Variants in SIPA1L1 observed in about 807,000 individuals in gnomAD.
SIPA1L1 encodes the protein signal-induced proliferation-associated 1-like protein 1.
Under a neutral mutation model 162.7 loss-of-function variants are expected in SIPA1L1, and 26 were observed. That is an observed-to-expected ratio of 0.16 (90% confidence interval 0.12 to 0.22). The LOEUF (loss-of-function observed/expected upper bound fraction) is 0.22, where lower values mean the gene tolerates loss of function less well. Ranked by LOEUF, SIPA1L1 falls within the 10% of genes least tolerant of loss-of-function variation. SIPA1L1 has a pLI of 1.00. For missense variants in SIPA1L1, 1,874 were observed against 2,241.0 expected (o/e 0.84, Z 3.31); for synonymous variants, 829 against 837.4 (o/e 0.99, Z 0.17).
At chr14:71,635,813 A>G (rs1159807920) in intron 7 of SIPA1L1, among the ~76,000 whole-genome samples, 3 of 152,246 alleles carry the variant, frequency 2.0e-5, no homozygotes, top group African/African-American at 7.2e-5. Flanking sequence ...AAAAAGCATT[A>G]TCTAATTATA....
At chr14:71,549,125 T>C (rs577689838) in intron 4 of SIPA1L1, among the ~76,000 whole-genome samples, 1 of 152,296 alleles carries the variant, frequency 6.6e-6, no homozygotes, top group Non-Finnish European at 1.5e-5. Flanking sequence ...TTTTAAGTGC[T>C]GGAGAAAGAT....
At chr14:71,644,286 G>T (rs558812137) in intron 7 of SIPA1L1, among the ~76,000 whole-genome samples, 1 of 152,244 alleles carries the variant, frequency 6.6e-6, no homozygotes, top group African/African-American at 2.4e-5. Flanking sequence ...AGGCTGGAGT[G>T]CAGTGGCACA....
chr14:71,424,977 T>C (rs1036847021), intron 2 of SIPA1L1, among the ~76,000 whole-genome samples: 8 of 152,088 alleles, frequency 5.3e-5, no homozygotes, highest in Admixed American at 3.9e-4. Context: ...TTCTTCATAA[T>C]TTAATGTTGG....
intron 4 of SIPA1L1, among the ~76,000 whole-genome samples, chr14:71,569,897 A>G (rs955608032): frequency 2.6e-5 from 4 of 152,104 alleles, no homozygotes; most frequent in African/African-American, 9.7e-5. Context: ...TTTAGACACT[A>G]CTGTTGATTC....
chr14:71,618,243 C>T (rs1393503057), intron 5 of SIPA1L1, among the ~76,000 whole-genome samples: 1 of 152,250 alleles, frequency 6.6e-6, no homozygotes, highest in African/African-American at 2.4e-5. Flanking sequence ...GCTCCTACTC[C>T]ACCATACACA....
intron 2 of SIPA1L1, among the ~76,000 whole-genome samples, chr14:71,334,200 G>A (rs146116570): frequency 6.6e-6 from 1 of 152,260 alleles, no homozygotes; most frequent in Non-Finnish European, 1.5e-5. Flanking sequence ...TTTCTCATCT[G>A]TGAAATGGGG....
In SIPA1L1 at chr14:71,709,973, C is replaced by G. The variant is rs72729977; in HGVS notation, c.4208+309C>G. On this transcript the variant is annotated intron_variant, in intron 17 of 23. Coordinates refer to ENST00000381232, the MANE Select transcript of SIPA1L1 (RefSeq NM_001386936.1). The stretch of plus-strand genomic sequence containing the variant: ...TTTGTAATTTTGTAATGTTGGCTTT[C>G]GGTGAGTAATAGGGAATGTATACTG... Among the ~76,000 whole-genome samples, 1,211 of 152,218 alleles carry G rather than the reference C, an allele frequency of 8.0e-3. 12 individuals carry two copies. The highest frequency in any genetic ancestry group is 0.013 in the Non-Finnish European group (851 of 68,020).
At chr14:71,517,368 C>T (rs1173650644) in intron 3 of SIPA1L1, among the ~76,000 whole-genome samples, 1 of 151,720 alleles carries the variant, frequency 6.6e-6, no homozygotes, top group African/African-American at 2.4e-5. Context: ...GACATTGTCC[C>T]CTTGAGTTTT....
chr14:71,561,947 A>C (rs919404682), intron 4 of SIPA1L1, among the ~76,000 whole-genome samples: 1 of 152,086 alleles, frequency 6.6e-6, no homozygotes, highest in African/African-American at 2.4e-5. Flanking sequence ...TCTGTTCTTG[A>C]TTAGTCTGTT....
intron 2 of SIPA1L1, among the ~76,000 whole-genome samples, chr14:71,460,754 GA>G (rs1195564356): frequency 2.6e-5 from 4 of 152,158 alleles, no homozygotes; most frequent in African/African-American, 9.7e-5. Flanking sequence ...TCCACCCCTT[GA>G]TTCCTGGACC....
intron 2 of SIPA1L1, among the ~76,000 whole-genome samples, chr14:71,454,116 G>A (rs148577992): frequency 2.6e-5 from 4 of 151,738 alleles, no homozygotes; most frequent in Admixed American, 6.6e-5. Flanking sequence ...GTGTTCCCAG[G>A]TCTGGTGCCA....
At chr14:71,516,927 T>C (rs61989383) in intron 3 of SIPA1L1, among the ~76,000 whole-genome samples, 28,376 of 151,976 alleles carry the variant, frequency 0.19, 2,928 homozygotes, top group Middle Eastern at 0.36. Context: ...GAGCTGAGGT[T>C]TCATCGTTGC....
intron 7 of SIPA1L1, among the ~76,000 whole-genome samples, chr14:71,640,289 A>G (rs967222180): frequency 6.6e-6 from 1 of 152,238 alleles, no homozygotes; most frequent in Non-Finnish European, 1.5e-5. Context: ...TTTGAGAAAA[A>G]CATAGGAGAA....
intron 2 of SIPA1L1, among the ~76,000 whole-genome samples, chr14:71,403,499 C>T (rs2041822441): frequency 6.7e-6 from 1 of 148,404 alleles, no homozygotes; most frequent in Non-Finnish European, 1.5e-5. Context: ...ACTCAGGAGG[C>T]TGAGGCAGGA....
chr14:71,518,412 C>T lies in SIPA1L1; in HGVS notation c.-362+5567C>T, dbSNP rs115496874. On this transcript the variant is annotated intron_variant, in intron 3 of 23. Transcript: ENST00000381232. ...ACATGCATAAACACATTTGCAAGTA[C>T]CATTATTAAATAATTCAACCTTTCT... Among the ~76,000 whole-genome samples the T allele has an allele frequency of 6.3e-3, 961 of 152,208 alleles. 6 individuals carry two copies. The highest frequency in any genetic ancestry group is 0.022 in the African/African-American group (904 of 41,540).
chr14:71,595,692 G>C (rs1230566440), intron 5 of SIPA1L1, among the ~76,000 whole-genome samples: 1 of 152,160 alleles, frequency 6.6e-6, no homozygotes, highest in Non-Finnish European at 1.5e-5. Context: ...CCTCTACCCA[G>C]ATGGCTACCT....
chr14:71,634,891 G>A (rs954486163), intron 7 of SIPA1L1, among the ~76,000 whole-genome samples: 29 of 151,252 alleles, frequency 1.9e-4, no homozygotes, highest in Admixed American at 3.3e-4. Flanking sequence ...AGCAGAGATC[G>A]TGCCACTGCA....
At chr14:71,364,358 C>T (rs2038086116) in intron 2 of SIPA1L1, among the ~76,000 whole-genome samples, 1 of 152,136 alleles carries the variant, frequency 6.6e-6, no homozygotes, top group South Asian at 2.1e-4. Context: ...CCCAAATGTT[C>T]CCCTCCCCAA....
intron 3 of SIPA1L1, among the ~76,000 whole-genome samples, chr14:71,515,153 C>T (rs2051580540): frequency 6.6e-6 from 1 of 152,056 alleles, no homozygotes; most frequent in African/African-American, 2.4e-5. Context: ...CATAAAGAAC[C>T]TGATTATTTA....
Sources: gnomAD v4.1 joint callset for allele counts (sites outside exome capture counted in the v4.1 genomes callset) on GRCh38, gnomAD v4.1.1 for gene constraint, MANE v1.5 for transcripts, NCBI Gene and HGNC (gene_info 2026-07-23, HGNC 2026-07-21) for gene names.